LMO7: variants seen among roughly 807,000 people sequenced by gnomAD.
The protein encoded by LMO7 is LIM domain only protein 7.
Under a neutral mutation model 206.5 loss-of-function variants are expected in LMO7, and 120 were observed. The ratio of observed to expected loss-of-function variants is 0.58; its 90% confidence interval spans 0.50 to 0.68. The LOEUF (loss-of-function observed/expected upper bound fraction) is 0.68, where lower values mean the gene tolerates loss of function less well. LMO7 is among the 30% of genes least tolerant of loss of function. The pLI, the probability that LMO7 is intolerant of heterozygous loss-of-function variation, is 0.00. For synonymous variants in LMO7, 706 were observed against 681.5 expected, an observed-to-expected ratio of 1.04 and a Z score of -0.56; for missense variants, 1,959 against 1,957.9, an observed-to-expected ratio of 1.00 and a Z score of -0.01.
At chr13:75,683,064 CTTTTTTTT>C (rs1025775588) in intron 1 of LMO7, among the ~76,000 whole-genome samples, 27 of 137,656 alleles carry the variant, frequency 2.0e-4, no homozygotes, top group Middle Eastern at 3.9e-3. Context: ...CTTTTTTTTT[CTTTTTTTT>C]TTTTTTGAGA....
chr13:75,633,830 C>T (rs1325988943), upstream of LMO7, among the ~76,000 whole-genome samples: 1 of 139,756 alleles, frequency 7.2e-6, no homozygotes. Context: ...TATGTAGGAA[C>T]GTGTCTTTTC....
chr13:75,625,486 A>G (rs2033930109), intron 2 of LMO7, among the ~76,000 whole-genome samples: 1 of 151,862 alleles, frequency 6.6e-6, no homozygotes, highest in Non-Finnish European at 1.5e-5. Context: ...GTTTTGATTC[A>G]TATTAAAGTC....
chr13:75,853,704 T>A (rs954059433), intron 28 of LMO7, among the ~76,000 whole-genome samples: 12 of 152,216 alleles, frequency 7.9e-5, no homozygotes, highest in African/African-American at 2.9e-4. Flanking sequence ...CAGTGTGGAA[T>A]CATGAAAACA....
chr13:75,645,626 A>G (rs775863143), intron 1 of LMO7, among the ~76,000 whole-genome samples: 12 of 152,238 alleles, frequency 7.9e-5, no homozygotes, highest in African/African-American at 1.4e-4. Context: ...GAAGGGGACA[A>G]TAAGCAAACG....
chr13:75,818,983 C>T (rs933350450), intron 12 of LMO7, among the ~76,000 whole-genome samples: 4 of 152,204 alleles, frequency 2.6e-5, no homozygotes, highest in African/African-American at 7.2e-5. Context: ...TGCATCTGCG[C>T]GTAACCATCA....
chr13:75,816,499 T>G (rs1595247369), intron 11 of LMO7, among the ~76,000 whole-genome samples: 1 of 152,232 alleles, frequency 6.6e-6, no homozygotes, highest in South Asian at 2.1e-4. Flanking sequence ...TGGATTGAGC[T>G]CTTCCAAAGC....
chr13:75,807,597 C>G lies in LMO7; in HGVS notation c.1314C>G (p.Leu438=), dbSNP rs1279891345. The G allele has an allele frequency of 7.4e-6, 12 of 1,613,980 alleles. No individual in the cohort carries two copies. Among genetic ancestry groups the G allele is most frequent in the Non-Finnish European group, 1.0e-5 (12 of 1,179,896 alleles). Residue 438 remains leucine, a synonymous_variant, in exon 10 of 31, where the codon CTC becomes CTG. Coordinates refer to ENST00000377534, the MANE Select transcript of LMO7 (RefSeq NM_001306080.2). ...GGCTCATAACCCGCAGGAAGAATCT[C>G]TCTTATGCACCAGGCTATAGAAGAG... is the stretch of plus-strand genomic sequence containing the variant. ...GPRLITRRKN[L]SYAPGYRRDD...
chr13:75,644,225 T>C (rs1253218216), intron 1 of LMO7, among the ~76,000 whole-genome samples: 2 of 152,176 alleles, frequency 1.3e-5, no homozygotes, highest in Admixed American at 6.5e-5. Flanking sequence ...ATGTGGCAAG[T>C]GCATTATACC....
rs75318564 is a variant in LMO7 at position 75,841,949 on chromosome 13, C to G, written c.3997C>G (p.Arg1333Gly). The G allele has an allele frequency of 6.2e-7, 1 of 1,612,210 alleles. No individual in the cohort carries two copies. Among genetic ancestry groups the G allele is most frequent in the Admixed American group, 1.7e-5 (1 of 60,006 alleles). Residue 1333 changes from arginine to glycine, a missense_variant, in exon 24 of 31, where the codon CGG (arginine) becomes GGG (glycine). Physicochemically the swap from Arg to Gly is moderately radical, Grantham distance 125. Coordinates refer to ENST00000377534, the MANE Select transcript of LMO7 (RefSeq NM_001306080.2). ...EEQKRQAEIE[R>G]ETSVRIYQYR... ...GCAGAAGCGCCAGGCAGAGATAGAG[C>G]GGGAAACATCAGTCAGAATATACCA...
intron 1 of LMO7, among the ~76,000 whole-genome samples, chr13:75,676,616 C>T (rs1447148644): frequency 3.3e-5 from 5 of 152,174 alleles, no homozygotes; most frequent in African/African-American, 7.2e-5. Context: ...CTGAATAAGA[C>T]GTTCATTATT....
chr13:75,822,423 C>T (rs1360398855), intron 14 of LMO7, among the ~76,000 whole-genome samples: 1 of 151,966 alleles, frequency 6.6e-6, no homozygotes, highest in Non-Finnish European at 1.5e-5. Context: ...AGTCAAAAGA[C>T]AATATATAGA....
In LMO7 at chr13:75,804,518, A is replaced by G; in HGVS notation, c.891A>G (p.Thr297=). The G allele has an allele frequency of 6.2e-7, 1 of 1,613,928 alleles. No homozygotes were observed. The highest frequency in any genetic ancestry group is 1.1e-5 in the South Asian group (1 of 91,028). ...NRRSWASPVY[T]EADGTFSSNQ... is the part of the protein sequence containing the mutation. ...GAAGTTGGGCAAGCCCGGTTTATAC[A>G]GAAGCAGATGGAACATTTTCAAGGT... The change falls in exon 8 of 31, where the codon ACA becomes ACG. Residue 297 remains threonine (T), a synonymous_variant. Coordinates refer to ENST00000377534, the MANE Select transcript of LMO7 (RefSeq NM_001306080.2).
intron 2 of LMO7, among the ~76,000 whole-genome samples, chr13:75,716,237 C>A (rs529586072): frequency 1.3e-5 from 2 of 152,212 alleles, no homozygotes; most frequent in South Asian, 4.2e-4. Flanking sequence ...GTCAAAAGTT[C>A]GAATAGCTTA....
intron 16 of LMO7, among the ~76,000 whole-genome samples, chr13:75,833,388 C>CT (rs2058846384): frequency 6.6e-6 from 1 of 152,040 alleles, no homozygotes; most frequent in Admixed American, 6.6e-5. Flanking sequence ...TTTGAAGAGT[C>CT]TTAATTTTGT....
intron 11 of LMO7, among the ~76,000 whole-genome samples, chr13:75,809,877 G>C (rs988289584): frequency 6.8e-6 from 1 of 146,256 alleles, no homozygotes; most frequent in Non-Finnish European, 1.5e-5. Context: ...TGTCGCCCAG[G>C]CTGGAGTGAA....
chr13:75,674,832 T>A (rs1277218868), intron 1 of LMO7, among the ~76,000 whole-genome samples: 1 of 152,198 alleles, frequency 6.6e-6, no homozygotes, highest in Non-Finnish European at 1.5e-5. Flanking sequence ...AAAGTATTAT[T>A]TGAACAATAT....
intron 3 of LMO7, among the ~76,000 whole-genome samples, chr13:75,750,291 CTT>C: frequency 6.6e-6 from 1 of 150,622 alleles, no homozygotes; most frequent in East Asian, 2.0e-4. Flanking sequence ...GAAACACTGT[CTT>C]AAGTTATATT....
At chr13:75,723,735 C>A (rs190188069) in intron 2 of LMO7, among the ~76,000 whole-genome samples, 1 of 152,146 alleles carries the variant, frequency 6.6e-6, no homozygotes, top group African/African-American at 2.4e-5. Context: ...TTGAAGGGAG[C>A]GGACAATTTG....
chr13:75,856,192 GC>G (rs1392937202), intron 29 of LMO7, among the ~76,000 whole-genome samples: 1 of 152,100 alleles, frequency 6.6e-6, no homozygotes, highest in Non-Finnish European at 1.5e-5. Flanking sequence ...TTCATGGGGG[GC>G]CTTACCTGCC....
Sources: gnomAD v4.1 joint callset for allele counts (sites outside exome capture counted in the v4.1 genomes callset) on GRCh38, gnomAD v4.1.1 for gene constraint, MANE v1.5 for transcripts, NCBI Gene and HGNC (gene_info 2026-07-23, HGNC 2026-07-21) for gene names.